The following TBC1D22B variants were observed in gnomAD, a reference collection of about 807,000 sequenced individuals.
The protein encoded by TBC1D22B is TBC1 domain family member 22B.
TBC1D22B carries 32 observed loss-of-function variants against 69.1 expected under a neutral mutation model. That is an observed-to-expected ratio of 0.46 (90% CI 0.35 to 0.62). The LOEUF (loss-of-function observed/expected upper bound fraction) is 0.62. TBC1D22B is among the 20% of genes least tolerant of loss of function. TBC1D22B has a pLI of 0.00. For synonymous variants in TBC1D22B, 206 were observed against 229.8 expected, an observed-to-expected ratio of 0.90 and a Z score of 0.94; for missense variants, 462 against 630.9, an observed-to-expected ratio of 0.73 and a Z score of 2.87.
At chr6:37,288,609 C>A (rs1365282377) in intron 7 of TBC1D22B, among the ~76,000 whole-genome samples, 1 of 151,908 alleles carries the variant, frequency 6.6e-6, no homozygotes, top group Non-Finnish European at 1.5e-5. Flanking sequence ...GTGGTGTGTG[C>A]CTGTGCTACT....
Position 37,279,438 on chromosome 6 carries a change from C to T in TBC1D22B, c.248C>T (p.Pro83Leu), listed in dbSNP as rs1766758616. 1 of 1,614,200 alleles carries T rather than the reference C, an allele frequency of 6.2e-7. No homozygotes were observed. Among genetic ancestry groups the T allele is most frequent in the Non-Finnish European group, 8.5e-7 (1 of 1,180,040 alleles). The stretch of plus-strand genomic sequence containing the variant: ...GATGAGGAAGAGGACTTTTCCTCAC[C>T]TTCTTTCCAAACTCTGAACTCAAAA... ...GDDEEEDFSSPSFQTLNSKVA... is the reference protein window; with the variant it reads ...GDDEEEDFSSLSFQTLNSKVA... Residue 83 changes from proline (P) to leucine (L), a missense_variant, in exon 3 of 13, where the codon CCT (proline) becomes CTT (leucine). Physicochemically the swap from Pro to Leu is moderately conservative, Grantham distance 98. Transcript: ENST00000373491.
At chr6:37,317,239 A>G in intron 12 of TBC1D22B, 33 bp downstream of exon 12, 2 of 1,545,828 alleles carry the variant, frequency 1.3e-6, no homozygotes, top group East Asian at 2.4e-5. Flanking sequence ...TGGGCAGGGA[A>G]TGAACATTAG....
Position 37,313,866 on chromosome 6 carries a change from G to A in TBC1D22B, c.1140G>A (p.Leu380=). 6.2e-7 allele frequency: 1 copy of A among 1,614,174 alleles called. No homozygotes were observed. Among genetic ancestry groups the A allele is most frequent in the Non-Finnish European group, 8.5e-7 (1 of 1,180,016 alleles). The change falls in exon 10 of 13, where the codon CTG becomes CTA. Residue 380 remains leucine (L), a synonymous_variant. Coordinates refer to ENST00000373491, the MANE Select transcript of TBC1D22B (RefSeq NM_017772.4). ...GAATCCAGAAGAAGGTGAAGGCACT[G>A]GAAGAGCTTGTCAGCCGGATTGATG... The part of the protein sequence containing the change: ...QPGIQKKVKA[L]EELVSRIDEQ...
chr6:37,317,892 A>C (rs988990950), intron 12 of TBC1D22B, among the ~76,000 whole-genome samples: 1 of 152,166 alleles, frequency 6.6e-6, no homozygotes, highest in Non-Finnish European at 1.5e-5. Context: ...GGAAGGAATC[A>C]TGACGGTCAC....
chr6:37,327,436 C>CAT (rs1768451611), intron 12 of TBC1D22B, among the ~76,000 whole-genome samples: 1 of 79,700 alleles, frequency 1.3e-5, no homozygotes, highest in Non-Finnish European at 2.1e-5. Flanking sequence ...CGAGATCGTG[C>CAT]CACTGCACTC....
At chr6:37,261,807 G>A (rs988669117) in intron 1 of TBC1D22B, among the ~76,000 whole-genome samples, 4 of 151,844 alleles carry the variant, frequency 2.6e-5, no homozygotes, top group Non-Finnish European at 5.9e-5. Flanking sequence ...GGCTGAGACA[G>A]GTGGATCATT....
chr6:37,269,282 G>A (rs1281453374), intron 1 of TBC1D22B, among the ~76,000 whole-genome samples: 1 of 152,198 alleles, frequency 6.6e-6, no homozygotes, highest in Non-Finnish European at 1.5e-5. Flanking sequence ...GTGGTACTGA[G>A]TGCCAGAACT....
chr6:37,310,741 A>G (rs1767884874), intron 8 of TBC1D22B, among the ~76,000 whole-genome samples: 2 of 152,244 alleles, frequency 1.3e-5, no homozygotes, highest in Admixed American at 1.3e-4. Flanking sequence ...CTGCAAGCTT[A>G]GTGTTGTTTT....
chr6:37,307,672 C>T (rs987715093), intron 8 of TBC1D22B, among the ~76,000 whole-genome samples: 10 of 152,088 alleles, frequency 6.6e-5, no homozygotes, highest in African/African-American at 1.4e-4. Flanking sequence ...GAAAATATTA[C>T]GCAAGGTATT....
At chr6:37,287,602 C>T (rs1254283191) in intron 7 of TBC1D22B, among the ~76,000 whole-genome samples, 1 of 152,230 alleles carries the variant, frequency 6.6e-6, no homozygotes, top group Non-Finnish European at 1.5e-5. Flanking sequence ...CTACTCCAGG[C>T]AGCTCAAATA....
intron 1 of TBC1D22B, among the ~76,000 whole-genome samples, chr6:37,260,041 T>C (rs1766026337): frequency 1.3e-5 from 2 of 152,234 alleles, no homozygotes; most frequent in Admixed American, 6.5e-5. Context: ...CAATTCATAA[T>C]AGTTTTTAGT....
At chr6:37,302,904 C>A (rs1305045162) in intron 8 of TBC1D22B, among the ~76,000 whole-genome samples, 2 of 152,234 alleles carry the variant, frequency 1.3e-5, no homozygotes, top group African/African-American at 4.8e-5. Flanking sequence ...TTATCTGCTG[C>A]TCCAAAATAT....
chr6:37,270,073 G>A (rs1400309829), intron 2 of TBC1D22B, among the ~76,000 whole-genome samples: 1 of 152,188 alleles, frequency 6.6e-6, no homozygotes, highest in African/African-American at 2.4e-5. Flanking sequence ...TAGGGCAACA[G>A]AATATAACTG....
At position 37,257,922 on chromosome 6, in the gene TBC1D22B, C is replaced by A; in HGVS notation, c.5C>A (p.Ala2Asp). The change falls in exon 1 of 13, where the codon GCC becomes GAC. Residue 2 changes from alanine (A) to aspartate (D), a missense_variant. Ala to Asp is a moderately radical substitution (Grantham distance 126). Transcript: ENST00000373491. ...GGACTTCCCCCGGCCAGAGCAATGG[C>A]CGCTGAGAACAGCAAGCAGTTTTGG... M[A>D]AENSKQFWKR... 2 of 1,613,816 alleles carry A rather than the reference C, an allele frequency of 1.2e-6. No individual in the cohort carries two copies. Among genetic ancestry groups the A allele is most frequent in the Non-Finnish European group, 1.7e-6 (2 of 1,179,912 alleles).
At chr6:37,273,368 C>G (rs1766562309) in intron 2 of TBC1D22B, among the ~76,000 whole-genome samples, 1 of 152,170 alleles carries the variant, frequency 6.6e-6, no homozygotes, top group Non-Finnish European at 1.5e-5. Context: ...AAACACGTGG[C>G]TAACCTATAA....
chr6:37,310,066 T>C (rs1240224459), intron 8 of TBC1D22B, among the ~76,000 whole-genome samples: 1 of 146,884 alleles, frequency 6.8e-6, no homozygotes, highest in Non-Finnish European at 1.5e-5. Flanking sequence ...TTATATAATG[T>C]ATAATTATAT....
At chr6:37,259,335 A>C (rs1449744822) in intron 1 of TBC1D22B, among the ~76,000 whole-genome samples, 1 of 152,180 alleles carries the variant, frequency 6.6e-6, no homozygotes, top group Non-Finnish European at 1.5e-5. Flanking sequence ...TTAGGTAAGC[A>C]CACTTCCTGC....
At chr6:37,326,754 C>T (rs1214235703) in intron 12 of TBC1D22B, among the ~76,000 whole-genome samples, 1 of 151,998 alleles carries the variant, frequency 6.6e-6, no homozygotes, top group East Asian at 1.9e-4. Context: ...TGCCACTGCA[C>T]TCCAGCCTGG....
intron 2 of TBC1D22B, among the ~76,000 whole-genome samples, chr6:37,272,364 C>CTT (rs765434196): frequency 2.9e-5 from 4 of 135,842 alleles, no homozygotes; most frequent in Non-Finnish European, 4.8e-5. Context: ...TATGTCCAGC[C>CTT]TTTTTTTTTT....
Sources: gnomAD v4.1 joint callset for allele counts (sites outside exome capture counted in the v4.1 genomes callset) on GRCh38, gnomAD v4.1.1 for gene constraint, MANE v1.5 for transcripts, NCBI Gene and HGNC (gene_info 2026-07-23, HGNC 2026-07-21) for gene names.